The following GRIA1 variants were observed in gnomAD, a reference collection of about 807,000 sequenced individuals.
GRIA1 encodes glutamate receptor 1.
In GRIA1, 31 loss-of-function variants were observed where a neutral mutation model predicts 99.2. The observed-to-expected ratio is 0.31, with a 90% confidence interval of 0.23 to 0.42. GRIA1 has a LOEUF of 0.42. Ranked by LOEUF, GRIA1 falls within the 10% of genes least tolerant of loss-of-function variation. GRIA1 has a pLI of 1.00. For missense variants in GRIA1, 782 were observed against 1,157.5 expected (o/e 0.68, Z 4.71); for synonymous variants, 438 against 432.4 (o/e 1.01, Z -0.16).
At chr5:153,698,301 A>G in intron 9 of GRIA1, 147 bp downstream of exon 9, 2 of 515,028 alleles carry the variant, frequency 3.9e-6, no homozygotes, top group Middle Eastern at 5.9e-4. Flanking sequence ...ATGCCCTGAA[A>G]ATGAGAGGCT....
chr5:153,793,003 A>G (rs1207284754), intron 13 of GRIA1, among the ~76,000 whole-genome samples: 1 of 152,168 alleles, frequency 6.6e-6, no homozygotes, highest in Non-Finnish European at 1.5e-5. Flanking sequence ...AGGGATCCAT[A>G]TGCCACAGTC....
intron 11 of GRIA1, 41 bp downstream of exon 11, chr5:153,706,108 T>TTTTGTTTGTTTG (rs140268951): frequency 0.24 from 322,145 of 1,346,992 alleles, 48,376 homozygotes; most frequent in Admixed American, 0.42. Flanking sequence ...AATGCTATGG[T>TTTTGTTTGTTTG]TTTGTTTGTT....
intron 2 of GRIA1, among the ~76,000 whole-genome samples, chr5:153,515,956 C>T (rs902413129): frequency 8.5e-5 from 13 of 152,118 alleles, no homozygotes; most frequent in Admixed American, 2.0e-4. Context: ...AGTGGTGGCT[C>T]ACACCTGTAA....
At chr5:153,714,856 G>A (rs749574855) in intron 11 of GRIA1, among the ~76,000 whole-genome samples, 15 of 152,202 alleles carry the variant, frequency 9.9e-5, no homozygotes, top group Middle Eastern at 3.2e-3. Flanking sequence ...TTAAGTCCAA[G>A]ACACCCAGCA....
intron 2 of GRIA1, among the ~76,000 whole-genome samples, chr5:153,542,500 C>T (rs1440902418): frequency 1.3e-5 from 2 of 152,196 alleles, no homozygotes; most frequent in African/African-American, 4.8e-5. Context: ...GCTGATGGCA[C>T]TTGGCAAAGC....
At chr5:153,673,095 T>C (rs2149483828) in intron 5 of GRIA1, among the ~76,000 whole-genome samples, 1 of 152,236 alleles carries the variant, frequency 6.6e-6, no homozygotes, top group East Asian at 1.9e-4. Flanking sequence ...TTCCCACCCT[T>C]TCTCTTCAAA....
At chr5:153,580,574 A>G (rs973832831) in intron 2 of GRIA1, among the ~76,000 whole-genome samples, 3 of 152,200 alleles carry the variant, frequency 2.0e-5, no homozygotes, top group Admixed American at 6.5e-5. Flanking sequence ...TAAAATACCC[A>G]TCCAGTACAT....
At chr5:153,620,281 T>C (rs934663052) in intron 2 of GRIA1, among the ~76,000 whole-genome samples, 9 of 149,350 alleles carry the variant, frequency 6.0e-5, no homozygotes, top group Non-Finnish European at 7.5e-5. Flanking sequence ...CCCTTTGGGA[T>C]AGACTTTTTT....
chr5:153,683,926 G>A (rs1049410621), intron 7 of GRIA1, among the ~76,000 whole-genome samples: 7 of 152,160 alleles, frequency 4.6e-5, no homozygotes, highest in East Asian at 1.9e-4. Context: ...CCTGGGAAAT[G>A]CCCAGCAGCA....
intron 11 of GRIA1, among the ~76,000 whole-genome samples, chr5:153,730,474 G>C (rs540887414): frequency 2.0e-5 from 3 of 152,004 alleles, no homozygotes; most frequent in Admixed American, 1.3e-4. Context: ...TTAACAGTAC[G>C]TGCAAAAATG....
intron 2 of GRIA1, among the ~76,000 whole-genome samples, chr5:153,591,313 C>T (rs956479638): frequency 1.3e-5 from 2 of 152,078 alleles, no homozygotes; most frequent in Non-Finnish European, 2.9e-5. Context: ...AAAACCATTC[C>T]AACGATATTC....
intron 8 of GRIA1, among the ~76,000 whole-genome samples, chr5:153,693,118 T>G (rs1294136933): frequency 6.6e-6 from 1 of 152,168 alleles, no homozygotes; most frequent in Non-Finnish European, 1.5e-5. Context: ...TGGCTAAGAC[T>G]CAGGCTCATG....
chr5:153,555,063 T>A (rs1873905), intron 2 of GRIA1, among the ~76,000 whole-genome samples: 1 of 151,854 alleles, frequency 6.6e-6, no homozygotes, highest in South Asian at 2.1e-4. Context: ...CCTCTGATTC[T>A]CAGTGATGTA....
intron 14 of GRIA1, among the ~76,000 whole-genome samples, chr5:153,797,857 G>A (rs2149665472): frequency 6.6e-6 from 1 of 152,292 alleles, no homozygotes; most frequent in Middle Eastern, 3.4e-3. Flanking sequence ...AAAATATGAA[G>A]GCTAGGGAAC....
In GRIA1 at chr5:153,647,368, T is replaced by G. The variant is rs552154616; in HGVS notation, c.460+201T>G. ...CGCATTCTGAGAATAATTCTCTTAA[T>G]GCACCATGTCACTCTACAGCTCACT... On this transcript the variant is annotated intron_variant, in intron 3 of 15. Coordinates refer to ENST00000285900, the MANE Select transcript of GRIA1 (RefSeq NM_000827.4). 3.3e-5 allele frequency among the ~76,000 whole-genome samples: 5 copies of G among 152,324 alleles called. No homozygotes were observed. The South Asian group carries it at 1.0e-3, about 32-fold the overall frequency.
intron 14 of GRIA1, among the ~76,000 whole-genome samples, chr5:153,799,056 G>A (rs1380801308): frequency 2.1e-5 from 3 of 145,390 alleles, no homozygotes; most frequent in African/African-American, 7.9e-5. Context: ...CCCACTCCTG[G>A]CGGGAGGTGA....
intron 2 of GRIA1, among the ~76,000 whole-genome samples, chr5:153,580,816 C>G (rs1432800355): frequency 2.6e-5 from 4 of 152,222 alleles, no homozygotes; most frequent in African/African-American, 9.6e-5. Context: ...GTCTGCTGCT[C>G]AGGTTCCTGC....
chr5:153,527,732 G>T (rs564700), intron 2 of GRIA1, among the ~76,000 whole-genome samples: 2 of 152,008 alleles, frequency 1.3e-5, no homozygotes, highest in African/African-American at 4.8e-5. Context: ...TTCACTTTCT[G>T]CATAAGCATC....
intron 14 of GRIA1, among the ~76,000 whole-genome samples, chr5:153,800,528 TTTG>T: frequency 6.6e-6 from 1 of 152,220 alleles, no homozygotes; most frequent in Admixed American, 6.5e-5. Flanking sequence ...CTTTGAGTCC[TTTG>T]AATAATCATT....
Sources: gnomAD v4.1 joint callset for allele counts (sites outside exome capture counted in the v4.1 genomes callset) on GRCh38, gnomAD v4.1.1 for gene constraint, MANE v1.5 for transcripts, NCBI Gene and HGNC (gene_info 2026-07-23, HGNC 2026-07-21) for gene names.